SRRM4: variants seen among roughly 807,000 people sequenced by gnomAD.
The protein encoded by SRRM4 is serine/arginine repetitive matrix protein 4.
In SRRM4, 33 loss-of-function variants were observed where a neutral mutation model predicts 68.9. The ratio of observed to expected loss-of-function variants is 0.48; its 90% CI spans 0.36 to 0.64. The LOEUF (loss-of-function observed/expected upper bound fraction) is 0.64, where lower values mean the gene tolerates loss of function less well. Ranked by LOEUF, SRRM4 falls within the 30% of genes least tolerant of loss-of-function variation. The probability of loss-of-function intolerance (pLI) is 0.00; values close to 1 mark genes in which losing one functional copy is unlikely to be tolerated. For missense variants in SRRM4, 817 were observed against 827.1 expected (o/e 0.99, Z 0.15); for synonymous variants, 318 against 318.8 (o/e 1.00, Z 0.03).
intron 1 of SRRM4, among the ~76,000 whole-genome samples, chr12:119,055,529 C>T (rs986479987): frequency 4.6e-5 from 7 of 152,268 alleles, no homozygotes; most frequent in South Asian, 2.1e-4. Context: ...TATTCCTCCC[C>T]GCAAGACTGA....
intron 1 of SRRM4, among the ~76,000 whole-genome samples, chr12:119,077,577 T>C (rs1435422477): frequency 6.6e-6 from 1 of 152,212 alleles, no homozygotes; most frequent in African/African-American, 2.4e-5. Context: ...AAATGTCAAC[T>C]ATTATCATTA....
Position 119,079,402 on chromosome 12 carries a change from CA to C in SRRM4, c.132-22832del, listed in dbSNP as rs375436261. On this transcript the variant is annotated intron_variant, in intron 1 of 12. Transcript: ENST00000267260. ...TAAAGACGGTCCTAGCTGCAGTGGACAAGAAAGATTGGCAGGAGAGAGATGG... is the reference window on the plus strand; with the variant it reads ...TAAAGACGGTCCTAGCTGCAGTGGACAGAAAGATTGGCAGGAGAGAGATGG... Among the ~76,000 whole-genome samples the C allele has an allele frequency of 3.6e-4, 55 of 152,156 alleles. 1 individual carries two copies. The highest frequency in any genetic ancestry group is 1.5e-3 in the South Asian group (7 of 4,822).
chr12:118,982,681 T>TTTTTTTTTTG (rs1953257132), intron 1 of SRRM4, among the ~76,000 whole-genome samples: 1 of 116,810 alleles, frequency 8.6e-6, no homozygotes, highest in African/African-American at 3.0e-5. Flanking sequence ...TTTTTTTTGT[T>TTTTTTTTTTG]TTTTTTTTTT....
At chr12:119,152,499 A>C (rs993339403) in intron 10 of SRRM4, among the ~76,000 whole-genome samples, 3 of 152,158 alleles carry the variant, frequency 2.0e-5, no homozygotes, top group African/African-American at 7.2e-5. Flanking sequence ...CATTTACTAC[A>C]TTATTAACAA....
rs76427720 is a variant in SRRM4 at position 119,125,355 on chromosome 12, G to A, written c.516-26G>A. 9.6e-3 allele frequency: 15,327 copies of A among 1,602,170 alleles called. 95 individuals carry two copies. Among genetic ancestry groups the A allele is most frequent in the Non-Finnish European group, 0.011 (13,327 of 1,170,670 alleles). ...TTTTACTCTCTCTCTCCTCTCCTCTGACTCGTTCCTTCTCATCCCCCCAAG... is the reference window on the plus strand; with the variant it reads ...TTTTACTCTCTCTCTCCTCTCCTCTAACTCGTTCCTTCTCATCCCCCCAAG... On this transcript the variant is annotated intron_variant, in intron 6 of 12. Coordinates refer to ENST00000267260, the MANE Select transcript of SRRM4 (RefSeq NM_194286.4).
rs1348630420 is a variant in SRRM4 at position 119,070,911 on chromosome 12, G to A, written c.132-31325G>A. Reference sequence around the variant, plus strand: ...ATTTCAGAAATGCCAGATCTGCCCCGTCTTTACTCCACTGCCTCTGAGGCT... The same window carrying A: ...ATTTCAGAAATGCCAGATCTGCCCCATCTTTACTCCACTGCCTCTGAGGCT... On this transcript the variant is annotated intron_variant, in intron 1 of 12. Transcript: ENST00000267260. Among the ~76,000 whole-genome samples the A allele has an allele frequency of 5.3e-5, 8 of 152,246 alleles. No homozygotes were observed. In the East Asian group the frequency reaches 7.7e-4, roughly 15 times the overall value.
chr12:119,142,145 G>T (rs988201777), intron 8 of SRRM4, among the ~76,000 whole-genome samples: 15 of 152,300 alleles, frequency 9.8e-5, no homozygotes, highest in Admixed American at 7.8e-4. Context: ...GATGCTATTT[G>T]TGAAGTAGGC....
intron 1 of SRRM4, among the ~76,000 whole-genome samples, chr12:119,084,435 C>T (rs547791547): frequency 6.6e-6 from 1 of 152,284 alleles, no homozygotes; most frequent in Non-Finnish European, 1.5e-5. Flanking sequence ...CAGTACCTGC[C>T]TATCTTGAAG....
intron 1 of SRRM4, among the ~76,000 whole-genome samples, chr12:119,003,479 C>T (rs1953398345): frequency 1.3e-5 from 2 of 152,044 alleles, no homozygotes; most frequent in Admixed American, 6.5e-5. Context: ...GTTTTCAGTT[C>T]CTATTTCCCC....
chr12:119,122,056 C>G lies in SRRM4; in HGVS notation c.465-14C>G, dbSNP rs998713687. The G allele has an allele frequency of 1.3e-6, 2 of 1,584,820 alleles. No homozygotes were observed. The highest frequency in any genetic ancestry group is 1.7e-5 in the Admixed American group (1 of 59,942). On this transcript the variant is annotated splice_polypyrimidine_tract_variant and intron_variant, in intron 5 of 12. Transcript: ENST00000267260. ...ATTTTGCATCTTTCAATTAATTGACCATTTCTTGTTTAGCTCCTCTAGCCC... is the reference window on the plus strand; with the variant it reads ...ATTTTGCATCTTTCAATTAATTGACGATTTCTTGTTTAGCTCCTCTAGCCC...
chr12:118,987,413 G>A (rs1357694229), intron 1 of SRRM4, among the ~76,000 whole-genome samples: 2 of 152,168 alleles, frequency 1.3e-5, no homozygotes, highest in Non-Finnish European at 2.9e-5. Context: ...CTGGACTCCT[G>A]AGCAGCTCCA....
intron 1 of SRRM4, among the ~76,000 whole-genome samples, chr12:118,994,577 G>A (rs1318648668): frequency 6.6e-6 from 1 of 152,160 alleles, no homozygotes; most frequent in Non-Finnish European, 1.5e-5. Context: ...CAGTCACCAA[G>A]CAAATGTCAG....
chr12:119,056,039 G>A (rs1953774006), intron 1 of SRRM4, among the ~76,000 whole-genome samples: 1 of 152,196 alleles, frequency 6.6e-6, no homozygotes, highest in Non-Finnish European at 1.5e-5. Context: ...CTCCAGATTT[G>A]CTGTGTACAC....
Position 119,114,259 on chromosome 12 carries a change from C to T in SRRM4, c.279-19C>T, listed in dbSNP as rs372436818. ...GGGAACCATGAGTTATCTAATGCTC[C>T]TCTCTTTGCTCCTCACAGTGCCTCT... On this transcript the variant is annotated intron_variant, in intron 2 of 12. Transcript: ENST00000267260. 11 of 1,605,408 alleles carry T rather than the reference C, an allele frequency of 6.9e-6. No individual in the cohort carries two copies. The African/African-American group carries it at 1.5e-4, about 21-fold the overall frequency.
At chr12:119,013,710 A>G (rs538332205) in intron 1 of SRRM4, among the ~76,000 whole-genome samples, 16 of 152,064 alleles carry the variant, frequency 1.1e-4, no homozygotes, top group South Asian at 8.3e-4. Context: ...GATTGTATAG[A>G]TGTATCATTT....
At chr12:119,126,286 A>G (rs539871098) in intron 7 of SRRM4, among the ~76,000 whole-genome samples, 8 of 152,104 alleles carry the variant, frequency 5.3e-5, no homozygotes, top group African/African-American at 1.7e-4. Flanking sequence ...GGCCTCCCAA[A>G]GTGTTAGAAT....
At chr12:119,123,112 A>G (rs1954233091) in intron 6 of SRRM4, among the ~76,000 whole-genome samples, 1 of 152,328 alleles carries the variant, frequency 6.6e-6, no homozygotes, top group Non-Finnish European at 1.5e-5. Context: ...AGGATCAAAG[A>G]CAATAAGATG....
chr12:119,073,057 C>T (rs1173123060), intron 1 of SRRM4, among the ~76,000 whole-genome samples: 2 of 149,174 alleles, frequency 1.3e-5, no homozygotes, highest in African/African-American at 5.0e-5. Context: ...TCTGAGTGAG[C>T]AGGCAAGACA....
chr12:119,100,574 G>T (rs527876404), intron 1 of SRRM4, among the ~76,000 whole-genome samples: 25 of 152,098 alleles, frequency 1.6e-4, no homozygotes, highest in African/African-American at 6.0e-4. Context: ...TAAACATTCC[G>T]TAATCACAGG....
Sources: allele counts gnomAD v4.1 joint callset (sites outside exome capture counted in the v4.1 genomes callset), GRCh38; gene constraint gnomAD v4.1.1; transcripts MANE v1.5; gene names NCBI Gene and HGNC (gene_info 2026-07-23, HGNC 2026-07-21).